The following ZDHHC14 variants were observed in gnomAD, a reference collection of about 807,000 sequenced individuals.
ZDHHC14 encodes zDHHC palmitoyltransferase 14.
ZDHHC14 carries 16 observed loss-of-function variants against 47.7 expected under a neutral mutation model. The ratio of observed to expected loss-of-function variants is 0.34; its 90% CI spans 0.23 to 0.51. The LOEUF is 0.51. ZDHHC14 is among the 20% of genes least tolerant of loss of function. ZDHHC14 has a pLI of 0.97. For missense variants in ZDHHC14, 515 were observed against 662.5 expected (o/e 0.78, Z 2.44); for synonymous variants, 293 against 278.9 (o/e 1.05, Z -0.50).
At chr6:157,511,346 G>A (rs997946757) in intron 1 of ZDHHC14, among the ~76,000 whole-genome samples, 2 of 151,848 alleles carry the variant, frequency 1.3e-5, no homozygotes, top group African/African-American at 4.8e-5. Flanking sequence ...AGAGTGGAGC[G>A]TGGAGTGGGG....
At chr6:157,648,195 A>G (rs573183714) in intron 7 of ZDHHC14, among the ~76,000 whole-genome samples, 1 of 152,346 alleles carries the variant, frequency 6.6e-6, no homozygotes, top group South Asian at 2.1e-4. Flanking sequence ...AAATCAAACC[A>G]TGATCAACAA....
chr6:157,454,424 G>C (rs889986198), intron 1 of ZDHHC14, among the ~76,000 whole-genome samples: 3 of 151,748 alleles, frequency 2.0e-5, no homozygotes, highest in Non-Finnish European at 2.9e-5. Flanking sequence ...TATGAAATGT[G>C]TGTATCCCTA....
intron 2 of ZDHHC14, among the ~76,000 whole-genome samples, chr6:157,556,313 C>T (rs866297825): frequency 5.3e-5 from 8 of 152,284 alleles, no homozygotes; most frequent in Middle Eastern, 3.4e-3. Flanking sequence ...TGTCCCCGGG[C>T]CCCATGTGTG....
At chr6:157,443,954 G>A (rs1371614207) in intron 1 of ZDHHC14, among the ~76,000 whole-genome samples, 1 of 152,184 alleles carries the variant, frequency 6.6e-6, no homozygotes, top group Non-Finnish European at 1.5e-5. Flanking sequence ...ACTAGTAAAT[G>A]AATATGGTAT....
At chr6:157,663,753 G>T (rs895196323) in intron 8 of ZDHHC14, among the ~76,000 whole-genome samples, 1 of 152,154 alleles carries the variant, frequency 6.6e-6, no homozygotes, top group Non-Finnish European at 1.5e-5. Flanking sequence ...CCTCTTTGCA[G>T]TTCATCCACC....
intron 1 of ZDHHC14, among the ~76,000 whole-genome samples, chr6:157,433,000 G>A (rs983451344): frequency 1.3e-5 from 2 of 152,254 alleles, no homozygotes; most frequent in African/African-American, 4.8e-5. Context: ...AATCCCCGGC[G>A]TGGGGCGGCT....
At chr6:157,599,872 G>A (rs1784275974) in intron 3 of ZDHHC14, among the ~76,000 whole-genome samples, 1 of 152,184 alleles carries the variant, frequency 6.6e-6, no homozygotes, top group Non-Finnish European at 1.5e-5. Context: ...AAATATAGGT[G>A]AGATGGTTTT....
At chr6:157,400,110 T>C (rs1255251380) in intron 1 of ZDHHC14, among the ~76,000 whole-genome samples, 6 of 152,350 alleles carry the variant, frequency 3.9e-5, no homozygotes, top group Non-Finnish European at 7.3e-5. Context: ...ACTGAACTTT[T>C]TCTATTTTTT....
At chr6:157,440,425 T>G (rs892725658) in intron 1 of ZDHHC14, among the ~76,000 whole-genome samples, 2 of 152,106 alleles carry the variant, frequency 1.3e-5, no homozygotes, top group Non-Finnish European at 2.9e-5. Flanking sequence ...TATGAGGACA[T>G]AGAGAAACTA....
At chr6:157,629,211 G>T (rs1785562805) in intron 4 of ZDHHC14, among the ~76,000 whole-genome samples, 1 of 152,074 alleles carries the variant, frequency 6.6e-6, no homozygotes, top group South Asian at 2.1e-4. Context: ...TTGTCTCTTG[G>T]TCATTCACTT....
chr6:157,654,780 G>C (rs1378435289), intron 8 of ZDHHC14, among the ~76,000 whole-genome samples: 3 of 151,234 alleles, frequency 2.0e-5, no homozygotes, highest in Non-Finnish European at 4.4e-5. Context: ...CTGTCGCCCA[G>C]GCTGGAGTGC....
intron 1 of ZDHHC14, among the ~76,000 whole-genome samples, chr6:157,435,930 T>C (rs567367444): frequency 6.6e-6 from 1 of 152,164 alleles, no homozygotes; most frequent in East Asian, 1.9e-4. Flanking sequence ...GTATGCTGTT[T>C]GGATAGAGGG....
chr6:157,671,012 T>C (rs1778773486), intron 8 of ZDHHC14, among the ~76,000 whole-genome samples: 1 of 152,088 alleles, frequency 6.6e-6, no homozygotes, highest in African/African-American at 2.4e-5. Context: ...CTCCCTCCCC[T>C]CAAGGCTGCG....
At chr6:157,472,516 C>T (rs879658026) in intron 1 of ZDHHC14, among the ~76,000 whole-genome samples, 4 of 151,832 alleles carry the variant, frequency 2.6e-5, no homozygotes, top group Admixed American at 2.6e-4. Flanking sequence ...TGGAGGCTTG[C>T]TTCTGGGAGC....
At chr6:157,419,273 C>T (rs1202123854) in intron 1 of ZDHHC14, among the ~76,000 whole-genome samples, 1 of 152,198 alleles carries the variant, frequency 6.6e-6, no homozygotes, top group Non-Finnish European at 1.5e-5. Flanking sequence ...AGGGTTTACT[C>T]TTTGTGTTGT....
At chr6:157,398,054 C>G (rs1007952855) in intron 1 of ZDHHC14, among the ~76,000 whole-genome samples, 1 of 149,116 alleles carries the variant, frequency 6.7e-6, no homozygotes, top group African/African-American at 2.5e-5. Context: ...AGCTCCCCAG[C>G]CCCCCAGCTC....
At chr6:157,479,606 T>G (rs1018195013) in intron 1 of ZDHHC14, among the ~76,000 whole-genome samples, 1 of 152,222 alleles carries the variant, frequency 6.6e-6, no homozygotes. Context: ...TGCCAAAAGC[T>G]TCTGAGCTCA....
At chr6:157,592,469 A>G (rs1437900282) in intron 2 of ZDHHC14, among the ~76,000 whole-genome samples, 1 of 152,220 alleles carries the variant, frequency 6.6e-6, no homozygotes, top group Non-Finnish European at 1.5e-5. Flanking sequence ...TTTGGAGTCC[A>G]GCATTCCAGG....
intron 3 of ZDHHC14, among the ~76,000 whole-genome samples, chr6:157,598,979 T>C (rs1784235668): frequency 6.6e-6 from 1 of 152,232 alleles, no homozygotes; most frequent in Non-Finnish European, 1.5e-5. Context: ...ATTGTAATGC[T>C]TTTAAAAAAA....
Sources: allele counts gnomAD v4.1 joint callset (sites outside exome capture counted in the v4.1 genomes callset), GRCh38; gene constraint gnomAD v4.1.1; transcripts MANE v1.5; gene names NCBI Gene and HGNC (gene_info 2026-07-23, HGNC 2026-07-21).